Variants in DCDC2 observed in about 807,000 individuals in gnomAD.
The protein encoded by DCDC2 is doublecortin domain containing 2.
DCDC2 carries 40 observed loss-of-function variants against 50.2 expected under a neutral mutation model. That is an observed-to-expected ratio of 0.80 (90% CI 0.62 to 1.04). The LOEUF is 1.04. Ranked by LOEUF, DCDC2 falls within the 50% of genes least tolerant of loss-of-function variation. DCDC2 has a pLI of 0.00. For missense variants in DCDC2, 570 were observed against 581.9 expected (o/e 0.98, Z 0.21); for synonymous variants, 234 against 210.6 (o/e 1.11, Z -0.96).
chr6:24,303,201 G>A (rs559417000), intron 2 of DCDC2, among the ~76,000 whole-genome samples: 1 of 151,770 alleles, frequency 6.6e-6, no homozygotes, highest in South Asian at 2.1e-4. Context: ...TTCCTATTCC[G>A]ACTTCCTCCC....
intron 2 of DCDC2, among the ~76,000 whole-genome samples, chr6:24,340,600 G>C (rs1279895283): frequency 2.0e-5 from 3 of 151,944 alleles, no homozygotes; most frequent in African/African-American, 7.3e-5. Context: ...TGCAAAATTT[G>C]TAATACTGGA....
At chr6:24,251,117 C>T (rs966178133) in intron 7 of DCDC2, among the ~76,000 whole-genome samples, 1 of 152,252 alleles carries the variant, frequency 6.6e-6, no homozygotes, top group East Asian at 1.9e-4. Flanking sequence ...GATGTGAAGT[C>T]GCTTCCAGCA....
intron 7 of DCDC2, among the ~76,000 whole-genome samples, chr6:24,210,052 G>GTGTCTGTC (rs1554145331): frequency 8.3e-5 from 11 of 133,298 alleles, no homozygotes; most frequent in African/African-American, 3.2e-4. Flanking sequence ...GTGTGTGTGT[G>GTGTCTGTC]TGTCTGTCTG....
At chr6:24,241,184 A>G (rs968472726) in intron 7 of DCDC2, among the ~76,000 whole-genome samples, 6 of 152,204 alleles carry the variant, frequency 3.9e-5, no homozygotes, top group African/African-American at 1.4e-4. Flanking sequence ...CTAGGTAAAC[A>G]TGTAAAGGAA....
At chr6:24,270,566 T>C (rs1394096353) in intron 7 of DCDC2, among the ~76,000 whole-genome samples, 1 of 152,228 alleles carries the variant, frequency 6.6e-6, no homozygotes, top group Non-Finnish European at 1.5e-5. Context: ...ATGTGACCTA[T>C]GGTCCAGGAT....
In DCDC2 at chr6:24,178,512, T is replaced by C; in HGVS notation, c.1144A>G (p.Thr382Ala). ...DLEEEGGREA[T>A]DAPEQVEEIL... ...TCCTCGACTTGCTCAGGGGCATCTG[T>C]AGCCTCCCTACCTCCTTCCTCTTCA... The change falls in exon 9 of 10, where the codon ACA becomes GCA. Residue 382 changes from threonine to alanine, a missense_variant. By Grantham distance (58) the Thr-to-Ala change is moderately conservative. Coordinates refer to ENST00000378454, the MANE Select transcript of DCDC2 (RefSeq NM_016356.5). 1.2e-6 allele frequency: 2 copies of C among 1,614,186 alleles called. No individual in the cohort carries two copies. Among genetic ancestry groups the C allele is most frequent in the East Asian group, 2.2e-5 (1 of 44,884 alleles).
chr6:24,349,245 A>G (rs1023846706), intron 2 of DCDC2, among the ~76,000 whole-genome samples: 4 of 152,188 alleles, frequency 2.6e-5, no homozygotes, highest in Non-Finnish European at 4.4e-5. Context: ...TGCAAACTAT[A>G]TTTACTAAAT....
chr6:24,249,655 G>C (rs886577880), intron 7 of DCDC2, among the ~76,000 whole-genome samples: 6 of 152,144 alleles, frequency 3.9e-5, no homozygotes, highest in African/African-American at 1.4e-4. Context: ...TTAAGAGATG[G>C]GGAGTAAAGA....
At position 24,316,946 on chromosome 6, in the gene DCDC2, C is replaced by CA. The variant is rs1288204257; in HGVS notation, c.349-14903dup. 2.0e-5 allele frequency among the ~76,000 whole-genome samples: 3 copies of CA among 151,616 alleles called. No individual in the cohort carries two copies. In the East Asian group the frequency reaches 5.8e-4, roughly 29 times the overall value. On this transcript the variant is annotated intron_variant, in intron 2 of 9. Transcript: ENST00000378454. ...GAAAAAAGCTTTGTATAAAATATTCCATGATTACAACTCTGTATATACATA... is the reference window on the plus strand; with the variant it reads ...GAAAAAAGCTTTGTATAAAATATTCCAATGATTACAACTCTGTATATACATA...
At chr6:24,251,245 A>C (rs1349988822) in intron 7 of DCDC2, among the ~76,000 whole-genome samples, 1 of 152,222 alleles carries the variant, frequency 6.6e-6, no homozygotes, top group Non-Finnish European at 1.5e-5. Flanking sequence ...GGAAACCTTC[A>C]AAACAGGAGG....
At chr6:24,338,581 G>A (rs1476621936) in intron 2 of DCDC2, among the ~76,000 whole-genome samples, 1 of 152,172 alleles carries the variant, frequency 6.6e-6, no homozygotes, top group Non-Finnish European at 1.5e-5. Flanking sequence ...CTCCAACCTT[G>A]CTGTAGCAAT....
At chr6:24,369,119 G>C in the DCDC2 span, among the ~76,000 whole-genome samples, 1 of 113,508 alleles carries the variant, frequency 8.8e-6, no homozygotes, top group Non-Finnish European at 1.7e-5. Context: ...GGGAGAAAGA[G>C]TAAGACTCTG....
intron 2 of DCDC2, 48 bp from the exon 3 acceptor site, chr6:24,302,092 C>CA: frequency 1.3e-6 from 2 of 1,498,096 alleles, no homozygotes; most frequent in Non-Finnish European, 1.8e-6. Flanking sequence ...CTTATATTAG[C>CA]TTTTTTTTTC....
At position 24,230,766 on chromosome 6, in the gene DCDC2, A is replaced by G. The variant is rs569942546; in HGVS notation, c.923-25664T>C. On this transcript the variant is annotated intron_variant, in intron 7 of 9. Transcript: ENST00000378454. Reference sequence around the variant, plus strand: ...GGCCCTGAGGTAGAAGCAAACACAGAAAAATTACTAAGTATTAGGGATTTA... The same window carrying G: ...GGCCCTGAGGTAGAAGCAAACACAGGAAAATTACTAAGTATTAGGGATTTA... 4.3e-4 allele frequency among the ~76,000 whole-genome samples: 65 copies of G among 152,362 alleles called. 1 individual carries two copies. The highest frequency in any genetic ancestry group is 4.6e-4 in the Admixed American group (7 of 15,314).
intron 8 of DCDC2, among the ~76,000 whole-genome samples, chr6:24,186,012 C>T (rs935311287): frequency 1.3e-5 from 2 of 152,198 alleles, no homozygotes; most frequent in Admixed American, 6.5e-5. Context: ...ATCATCCTCA[C>T]TCTCAGTTAT....
intron 2 of DCDC2, among the ~76,000 whole-genome samples, chr6:24,331,399 T>G (rs182087768): frequency 6.6e-6 from 1 of 152,042 alleles, no homozygotes; most frequent in Admixed American, 6.6e-5. Context: ...CTCTTGGCCT[T>G]AAGCGATCTT....
Position 24,352,346 on chromosome 6 carries a change from A to C in DCDC2, c.348+1223T>G, listed in dbSNP as rs1168061004. The stretch of plus-strand genomic sequence containing the variant: ...CTTTCATCAGAATCACATCCAGAAC[A>C]AATTCACAACACTGCCCTTTATTAC... On this transcript the variant is annotated intron_variant, in intron 2 of 9. Transcript: ENST00000378454. 2.6e-5 allele frequency among the ~76,000 whole-genome samples: 4 copies of C among 152,244 alleles called. No individual in the cohort carries two copies. The East Asian group carries it at 7.7e-4, about 29-fold the overall frequency.
intron 7 of DCDC2, among the ~76,000 whole-genome samples, chr6:24,257,564 A>G (rs533124916): frequency 6.6e-6 from 1 of 152,320 alleles, no homozygotes; most frequent in Non-Finnish European, 1.5e-5. Context: ...AGATGATGCC[A>G]CTGTTAGTCT....
chr6:24,358,336 T>A (rs1760522898), upstream of DCDC2: 1 of 170,862 alleles, frequency 5.9e-6, no homozygotes, highest in African/African-American at 2.4e-5. Flanking sequence ...CAAAGCCAGA[T>A]GCGGTGGCTT....
Sources: allele counts gnomAD v4.1 joint callset (sites outside exome capture counted in the v4.1 genomes callset), GRCh38; gene constraint gnomAD v4.1.1; transcripts MANE v1.5; gene names NCBI Gene and HGNC (gene_info 2026-07-23, HGNC 2026-07-21).